The following TSHZ3 variants were observed in gnomAD, a reference collection of about 807,000 sequenced individuals.
TSHZ3 encodes teashirt zinc finger homeobox 3.
Under a neutral mutation model 64.5 loss-of-function variants are expected in TSHZ3, and 10 were observed. The ratio of observed to expected loss-of-function variants is 0.16; its 90% CI spans 0.10 to 0.26. The LOEUF is 0.26. Among genes scored for constraint, TSHZ3 ranks in the 10% least tolerant of loss-of-function variants. TSHZ3 has a pLI of 1.00. For missense variants in TSHZ3, 1,242 were observed against 1,421.7 expected, an observed-to-expected ratio of 0.87 and a Z score of 2.03; for synonymous variants, 608 against 593.1, an observed-to-expected ratio of 1.03 and a Z score of -0.36.
rs765381660 is a variant in TSHZ3 at position 31,277,163 on chromosome 19, G to T, written c.2630C>A (p.Ala877Asp). The T allele has an allele frequency of 1.9e-6, 3 of 1,613,836 alleles. No homozygotes were observed. The highest frequency in any genetic ancestry group is 2.2e-5 in the South Asian group (2 of 91,036). ...CGACTCCTCAGCCTCCTCCAGAGTG[G>T]CCCCGTCAATGTCAGACTTCTCGGA... ...SISEKSDIDG[A>D]TLEEAEESTP... The change falls in exon 2 of 2, where the codon GCC becomes GAC. Residue 877 changes from alanine to aspartate, a missense_variant. Ala to Asp is a moderately radical substitution (Grantham distance 126, BLOSUM62 -2). This residue lies in a region of TSHZ3 where 550 missense variants were observed against 545.1 expected (regional missense o/e 1.01). Transcript: ENST00000240587. The surrounding 1 kb of genome is among the most constrained non-coding windows in gnomAD (Gnocchi z 4.5).
At chr19:31,280,301 C>G (rs971980097) in intron 1 of TSHZ3, among the ~76,000 whole-genome samples, 11 of 151,026 alleles carry the variant, frequency 7.3e-5, no homozygotes, top group African/African-American at 2.4e-4. Context: ...AAGAAAAGTA[C>G]GTCCATTGTA....
intron 6 of TSHZ3, among the ~76,000 whole-genome samples, chr19:31,155,615 C>G (rs982551154): frequency 6.6e-6 from 1 of 152,206 alleles, no homozygotes; most frequent in African/African-American, 2.4e-5. Context: ...ATTAGTGCCC[C>G]TTTGTTTTGG....
downstream of TSHZ3, among the ~76,000 whole-genome samples, chr19:31,270,940 C>T (rs542183194): frequency 1.2e-4 from 19 of 152,276 alleles, no homozygotes; most frequent in Admixed American, 1.0e-3. Flanking sequence ...AAAGCAGTGT[C>T]TCTGATCTGC....
chr19:31,227,988 T>TA (rs1490014310), intron 4 of TSHZ3, among the ~76,000 whole-genome samples: 16 of 152,288 alleles, frequency 1.1e-4, no homozygotes, highest in Non-Finnish European at 2.1e-4. Flanking sequence ...AACAAGTCCA[T>TA]AAAACCATCA....
At chr19:31,259,631 C>T (rs914968310) in intron 1 of TSHZ3, among the ~76,000 whole-genome samples, 8 of 151,710 alleles carry the variant, frequency 5.3e-5, no homozygotes, top group Admixed American at 4.6e-4. Flanking sequence ...TATCTGAGCT[C>T]ACTCAATTTT....
chr19:31,246,683 TA>T (rs916703665), intron 1 of TSHZ3, among the ~76,000 whole-genome samples: 41 of 152,056 alleles, frequency 2.7e-4, no homozygotes, highest in African/African-American at 9.9e-4. Flanking sequence ...TTCATATGCA[TA>T]CGCACAGAGG....
rs541386478 is a variant in TSHZ3, at chr19:31,256,715, C to T, written n.64-13840G>A. Among the ~76,000 whole-genome samples the T allele has an allele frequency of 4.7e-4, 72 of 152,290 alleles. 1 individual carries two copies. Among genetic ancestry groups the T allele is most frequent in the Middle Eastern group, 3.4e-3 (1 of 294 alleles). Reference sequence around the variant, plus strand: ...ATTCAGAGGAAGTGACGGCTCCTGACGGAGGGGCTTTCCCTGCACAGGGTC... The same window carrying T: ...ATTCAGAGGAAGTGACGGCTCCTGATGGAGGGGCTTTCCCTGCACAGGGTC... On this transcript the variant is annotated intron_variant and non_coding_transcript_variant, in intron 1 of 6. Coordinates refer to the TSHZ3 transcript ENST00000651361.
chr19:31,222,935 G>A (rs1449058638), intron 4 of TSHZ3, among the ~76,000 whole-genome samples: 3 of 152,192 alleles, frequency 2.0e-5, no homozygotes, highest in South Asian at 2.1e-4. Context: ...TGGGGTCAGC[G>A]AGTCTCCCGC....
At chr19:31,193,645 T>G (rs1235682075) in intron 5 of TSHZ3, among the ~76,000 whole-genome samples, 1 of 152,212 alleles carries the variant, frequency 6.6e-6, no homozygotes, top group African/African-American at 2.4e-5. Context: ...GTGAGAATCA[T>G]CTTTATCCCT....
intron 1 of TSHZ3, among the ~76,000 whole-genome samples, chr19:31,268,176 C>A (rs972478380): frequency 1.3e-5 from 2 of 152,188 alleles, no homozygotes; most frequent in Admixed American, 6.5e-5. Context: ...CTTCATCTTC[C>A]TCAATGGCCG....
intron 6 of TSHZ3, among the ~76,000 whole-genome samples, chr19:31,153,624 TTTG>T (rs1974267603): frequency 6.6e-6 from 1 of 152,230 alleles, no homozygotes; most frequent in Non-Finnish European, 1.5e-5. Context: ...AATTAAACTT[TTTG>T]TTGTTGTTAA....
chr19:31,256,103 C>T (rs1036340374), intron 1 of TSHZ3, among the ~76,000 whole-genome samples: 1 of 152,136 alleles, frequency 6.6e-6, no homozygotes, highest in African/African-American at 2.4e-5. Context: ...TGTTCACCCT[C>T]CCCGAGGCTC....
chr19:31,256,087 TC>T (rs1975905922), intron 1 of TSHZ3, among the ~76,000 whole-genome samples: 1 of 152,074 alleles, frequency 6.6e-6, no homozygotes, highest in Admixed American at 6.6e-5. Flanking sequence ...GCAGCCTTGG[TC>T]CCCATGTTCA....
At chr19:31,199,724 C>T (rs1393182244) in intron 5 of TSHZ3, among the ~76,000 whole-genome samples, 1 of 92,410 alleles carries the variant, frequency 1.1e-5, no homozygotes, top group East Asian at 2.9e-4. Flanking sequence ...AGCTGGACTT[C>T]ACTAAAATTA....
chr19:31,293,121 C>A (rs146658846), intron 1 of TSHZ3, among the ~76,000 whole-genome samples: 76 of 152,222 alleles, frequency 5.0e-4, no homozygotes, highest in Middle Eastern at 3.4e-3. Flanking sequence ...ACCCATCCAT[C>A]CAAAAATCCA....
intron 1 of TSHZ3, among the ~76,000 whole-genome samples, chr19:31,249,910 A>T (rs1287862823): frequency 1.3e-5 from 2 of 152,226 alleles, no homozygotes; most frequent in Non-Finnish European, 2.9e-5. Context: ...ACTAGCAGCA[A>T]TGACTCTGAT....
chr19:31,347,470 T>G (rs1185196338), intron 1 of TSHZ3, among the ~76,000 whole-genome samples: 6 of 151,994 alleles, frequency 3.9e-5, no homozygotes, highest in Non-Finnish European at 7.4e-5. Context: ...AAAAAAAAAT[T>G]TCAAAGACTG....
intron 4 of TSHZ3, among the ~76,000 whole-genome samples, chr19:31,212,253 C>T (rs1319401886): frequency 4.6e-5 from 7 of 151,916 alleles, no homozygotes; most frequent in African/African-American, 7.3e-5. Context: ...GTCAGGAGTT[C>T]GAGACCAGTC....
chr19:31,196,401 G>T (rs1324631028), intron 5 of TSHZ3, among the ~76,000 whole-genome samples: 1 of 151,918 alleles, frequency 6.6e-6, no homozygotes, highest in Non-Finnish European at 1.5e-5. Flanking sequence ...AAGACTGGGA[G>T]ATAACAAGAA....
Sources: gnomAD v4.1 joint callset for allele counts (sites outside exome capture counted in the v4.1 genomes callset) on GRCh38, gnomAD v4.1.1 for gene constraint, gnomAD v4.1.1 regional missense constraint, Gnocchi (gnomAD v3.1) non-coding constraint, MANE v1.5 for transcripts, NCBI Gene and HGNC (gene_info 2026-07-23, HGNC 2026-07-21) for gene names.